The following NBPF3 variants were observed in gnomAD, a reference collection of about 807,000 sequenced individuals.
NBPF3 encodes NBPF family member NBPF3.
In NBPF3, 57 loss-of-function variants were observed where a neutral mutation model predicts 78.1. The ratio of observed to expected loss-of-function variants is 0.73; its 90% CI spans 0.59 to 0.91. The LOEUF (loss-of-function observed/expected upper bound fraction) is 0.91. NBPF3 is among the 40% of genes least tolerant of loss of function. The pLI is 0.00. For synonymous variants in NBPF3, 182 were observed against 271.7 expected, an observed-to-expected ratio of 0.67 and a Z score of 3.25; for missense variants, 510 against 715.3, an observed-to-expected ratio of 0.71 and a Z score of 3.27.
chr1:21,458,365 CT>C (rs35837630), intron 2 of NBPF3, among the ~76,000 whole-genome samples: 59,387 of 131,774 alleles, frequency 0.45, 13,767 homozygotes, highest in Middle Eastern at 0.59. Flanking sequence ...AGGGCATGGG[CT>C]TTTTTTTTTT....
chr1:21,482,882 T>G (rs898857194), intron 14 of NBPF3, among the ~76,000 whole-genome samples: 4 of 55,200 alleles, frequency 7.2e-5, no homozygotes, highest in African/African-American at 2.2e-4. Context: ...TACTCCCTCA[T>G]CAATGTGTCA....
At position 21,444,550 on chromosome 1, in the gene NBPF3, AT is replaced by A. The variant is rs138813000; in HGVS notation, c.-139-395del. ...TGAAAACTTCCCTGGCTACTCTAGT[AT>A]TTAGTCAGGACTCTATTTTTTTTCC... On this transcript the variant is annotated intron_variant, in intron 1 of 14. Coordinates refer to ENST00000318249, the MANE Select transcript of NBPF3 (RefSeq NM_032264.6). 6.6e-3 allele frequency among the ~76,000 whole-genome samples: 1,005 copies of A among 152,250 alleles called. 11 individuals are homozygous for A. The highest frequency in any genetic ancestry group is 0.022 in the African/African-American group (916 of 41,540).
chr1:21,439,936 C>T (rs1469537201), upstream of NBPF3, among the ~76,000 whole-genome samples: 16 of 152,154 alleles, frequency 1.1e-4, no homozygotes, highest in Non-Finnish European at 1.5e-4. Flanking sequence ...AGGGATTCCC[C>T]GTCCCAGCTG....
In NBPF3 at chr1:21,472,372, C is replaced by T. The variant is rs142861472; in HGVS notation, c.662-471C>T. Among the ~76,000 whole-genome samples, 58 of 152,302 alleles carry T rather than the reference C, an allele frequency of 3.8e-4. 1 individual carries two copies. The highest frequency in any genetic ancestry group is 3.4e-3 in the Middle Eastern group (1 of 294). ...AAGTGCTTGATACTGGAGCACTCTT[C>T]ATGGAGAGAATGTCCCTGAATAACA... On this transcript the variant is annotated intron_variant, in intron 5 of 14. Coordinates refer to ENST00000318249, the MANE Select transcript of NBPF3 (RefSeq NM_032264.6).
At chr1:21,479,820 C>CTCTCTGTGTGTGTGTGTG (rs766796014) in intron 10 of NBPF3, among the ~76,000 whole-genome samples, 88 of 102,834 alleles carry the variant, frequency 8.6e-4, no homozygotes, top group East Asian at 1.9e-3. Flanking sequence ...CTCTCTCTCT[C>CTCTCTGTGTGTGTGTGTG]TGTGTGTGTG....
At chr1:21,479,843 T>TGC (rs1643102601) in intron 10 of NBPF3, among the ~76,000 whole-genome samples, 1 of 148,036 alleles carries the variant, frequency 6.8e-6, no homozygotes, top group East Asian at 2.0e-4. Flanking sequence ...TGTGTGTGTG[T>TGC]GTGTGTGTGT....
At chr1:21,441,264 G>A (rs113657356) in intron 1 of NBPF3, among the ~76,000 whole-genome samples, 1 of 152,008 alleles carries the variant, frequency 6.6e-6, no homozygotes, top group African/African-American at 2.4e-5. Context: ...CTTTCTTTTT[G>A]TTTTTAAATT....
intron 2 of NBPF3, chr1:21,453,693 TCTA>T (rs1159792770): frequency 6.6e-6 from 1 of 152,186 alleles, no homozygotes; most frequent in East Asian, 1.9e-4. Flanking sequence ...GGATGGGAAA[TCTA>T]CTAAGAAATC....
At chr1:21,474,864 G>A (rs775758390) in intron 7 of NBPF3, 36 bp from the exon 8 acceptor site, 3 of 1,580,176 alleles carry the variant, frequency 1.9e-6, no homozygotes, top group Admixed American at 1.7e-5. Flanking sequence ...AGTGTGAATT[G>A]CTTAATGTGA....
chr1:21,457,241 A>G (rs1641655050), intron 2 of NBPF3, among the ~76,000 whole-genome samples: 1 of 151,390 alleles, frequency 6.6e-6, no homozygotes, highest in Non-Finnish European at 1.5e-5. Flanking sequence ...TTTGAAGATT[A>G]TCTATCGTTA....
intron 2 of NBPF3, chr1:21,466,161 G>A: frequency 1.0e-6 from 1 of 984,544 alleles, no homozygotes; most frequent in Non-Finnish European, 1.2e-6. Flanking sequence ...ACGAGGGTAA[G>A]TGCAGGGGCA....
intron 2 of NBPF3, among the ~76,000 whole-genome samples, chr1:21,451,019 G>A (rs534426093): frequency 7.2e-5 from 11 of 152,342 alleles, no homozygotes; most frequent in East Asian, 3.9e-4. Context: ...CCGGCCCGCC[G>A]TCCTATGGGT....
chr1:21,456,317 G>C (rs1641600042), intron 2 of NBPF3, among the ~76,000 whole-genome samples: 3 of 152,064 alleles, frequency 2.0e-5, no homozygotes, highest in Non-Finnish European at 1.5e-5. Flanking sequence ...AACTCACATA[G>C]AGCATTCACC....
rs1281775785 is a variant in NBPF3 at position 21,484,460 on chromosome 1, C to G, written c.*1074C>G. On this transcript the variant is annotated 3_prime_UTR_variant, in exon 15 of 15. Transcript: ENST00000318249. ...AAAATGTCTTCATGATTAAATTCAGCCTAAACGTTTCATCAAGAACACTAC... is the reference window on the plus strand; with the variant it reads ...AAAATGTCTTCATGATTAAATTCAGGCTAAACGTTTCATCAAGAACACTAC... The G allele has an allele frequency of 1.1e-5, 1 of 95,152 alleles. No individual in the cohort carries two copies. The highest frequency in any genetic ancestry group is 2.3e-5 in the Non-Finnish European group (1 of 43,824). 5.9% of individuals were successfully genotyped at this position (95,152 alleles called of 1,614,324 possible). A position where few individuals can be genotyped will look rare whatever the true frequency, so the allele number is the denominator to read the frequency against.
intron 2 of NBPF3, chr1:21,453,654 A>C (rs1163124773): frequency 3.3e-5 from 5 of 152,346 alleles, no homozygotes; most frequent in Non-Finnish European, 5.9e-5. Context: ...TAATCATTCG[A>C]ATCATTGTGA....
chr1:21,466,933 A>G, intron 2 of NBPF3: 12 of 948,816 alleles, frequency 1.3e-5, no homozygotes, highest in Non-Finnish European at 1.5e-5. Flanking sequence ...GTGAATATTT[A>G]CTGAATTATA....
intron 2 of NBPF3, among the ~76,000 whole-genome samples, chr1:21,455,834 G>A (rs1245571427): frequency 6.6e-6 from 1 of 152,196 alleles, no homozygotes; most frequent in Admixed American, 6.5e-5. Flanking sequence ...AGGGGTGGCT[G>A]CTATAAAATT....
intron 4 of NBPF3, among the ~76,000 whole-genome samples, chr1:21,471,121 T>C (rs1228370750): frequency 6.6e-6 from 1 of 152,182 alleles, no homozygotes; most frequent in Admixed American, 6.5e-5. Context: ...CACTCAATGT[T>C]ACCTTCTCGA....
intron 2 of NBPF3, among the ~76,000 whole-genome samples, chr1:21,452,333 G>A (rs112333919): frequency 1.3e-5 from 2 of 152,166 alleles, no homozygotes; most frequent in Non-Finnish European, 2.9e-5. Flanking sequence ...GAAATACCAC[G>A]AGGAATGCCT....
Sources: allele counts gnomAD v4.1 joint callset (sites outside exome capture counted in the v4.1 genomes callset), GRCh38; gene constraint gnomAD v4.1.1; transcripts MANE v1.5; gene names NCBI Gene and HGNC (gene_info 2026-07-23, HGNC 2026-07-21).